Variants in GRM5 observed in about 807,000 individuals in gnomAD.
GRM5 encodes glutamate metabotropic receptor 5.
In GRM5, 19 loss-of-function variants were observed where a neutral mutation model predicts 83.1. The ratio of observed to expected loss-of-function variants is 0.23; its 90% CI spans 0.16 to 0.34. The LOEUF is 0.34. GRM5 is among the 10% of genes least tolerant of loss of function. The pLI is 1.00. For synonymous variants in GRM5, 675 were observed against 633.6 expected (o/e 1.07, Z -0.98); for missense variants, 1,160 against 1,588.3 (o/e 0.73, Z 4.58).
intron 5 of GRM5, among the ~76,000 whole-genome samples, chr11:88,599,945 G>C (rs373600149): frequency 2.0e-5 from 3 of 152,228 alleles, no homozygotes; most frequent in Non-Finnish European, 2.9e-5. Flanking sequence ...CCCGGGAGAC[G>C]GAGCTTGCAG....
chr11:88,510,000 G>C (rs1161162685), intron 9 of GRM5, among the ~76,000 whole-genome samples: 3 of 152,178 alleles, frequency 2.0e-5, no homozygotes, highest in Non-Finnish European at 2.9e-5. Flanking sequence ...ATTACCAGGA[G>C]GTAGTCAGTG....
rs2135072103 is a variant in GRM5 at position 88,509,009 on chromosome 11, C to A, written c.3222G>T (p.Glu1074Asp). ...CGGTGGACAGCATCATGGAGTTGAG[C>A]TCGCTGATGTTGGCCGTGAAGCGGG... ...VVTRFTANIS[E>D]LNSMMLSTAA... The change falls in exon 10 of 10, where the codon GAG (glutamate) becomes GAT (aspartate). Residue 1074 changes from glutamate to aspartate, a missense_variant. Around this residue, in one of 9 missense-constraint regions of GRM5, gnomAD observed 562 missense variants for 532.4 expected, o/e 1.06. Coordinates refer to ENST00000305447, the MANE Select transcript of GRM5 (RefSeq NM_001143831.3). 5 of 1,575,310 alleles carry A rather than the reference C, an allele frequency of 3.2e-6. No individual in the cohort carries two copies. In the East Asian group the frequency reaches 1.2e-4, roughly 36 times the overall value.
chr11:88,979,853 A>G (rs866600530), intron 2 of GRM5, among the ~76,000 whole-genome samples: 13 of 152,170 alleles, frequency 8.5e-5, no homozygotes, highest in Admixed American at 1.3e-4. Context: ...TGAGACAGAC[A>G]TTAACATTTT....
chr11:88,750,706 A>G lies in GRM5; in HGVS notation c.912-97303T>C, dbSNP rs184699672. ...AAACACTCCTCAGTGAATGCAAAAG[A>G]ACTTAAATCATAACAAACAGTCTCT... On this transcript the variant is annotated intron_variant, in intron 3 of 9. Coordinates refer to ENST00000305447, the MANE Select transcript of GRM5 (RefSeq NM_001143831.3). Among the ~76,000 whole-genome samples the G allele has an allele frequency of 8.2e-4, 125 of 152,282 alleles. 1 individual carries two copies. The highest frequency in any genetic ancestry group is 2.3e-3 in the South Asian group (11 of 4,826).
chr11:88,932,637 A>G (rs1937752959), intron 2 of GRM5, among the ~76,000 whole-genome samples: 1 of 152,014 alleles, frequency 6.6e-6, no homozygotes. Context: ...ATAGCTATAT[A>G]TGTAACAACT....
At chr11:88,919,774 A>G (rs1459444245) in intron 2 of GRM5, among the ~76,000 whole-genome samples, 1 of 152,056 alleles carries the variant, frequency 6.6e-6, no homozygotes, top group African/African-American at 2.4e-5. Flanking sequence ...AACACGTGGA[A>G]ATTAAACAAA....
chr11:88,922,892 T>C (rs1179401076), intron 2 of GRM5, among the ~76,000 whole-genome samples: 1 of 152,110 alleles, frequency 6.6e-6, no homozygotes, highest in African/African-American at 2.4e-5. Flanking sequence ...AAAAATCTGA[T>C]AATCCAGTTT....
At chr11:88,985,228 C>T (rs571285722) in intron 2 of GRM5, among the ~76,000 whole-genome samples, 1 of 152,254 alleles carries the variant, frequency 6.6e-6, no homozygotes, top group African/African-American at 2.4e-5. Flanking sequence ...TGCCATAACT[C>T]ATGCTCCTAC....
At position 88,638,548 on chromosome 11, in the gene GRM5, C is replaced by T. The variant is rs147718618; in HGVS notation, c.1147+14620G>A. On this transcript the variant is annotated intron_variant, in intron 4 of 9. Coordinates refer to ENST00000305447, the MANE Select transcript of GRM5 (RefSeq NM_001143831.3). Reference sequence around the variant, plus strand: ...TTCTTTACTTTTCTGGTAGAGTTTACATAGAATTGATGTCTGTTTTTCCTT... The same window carrying T: ...TTCTTTACTTTTCTGGTAGAGTTTATATAGAATTGATGTCTGTTTTTCCTT... Among the ~76,000 whole-genome samples, 112 of 152,120 alleles carry T rather than the reference C, an allele frequency of 7.4e-4. 1 individual carries two copies. The East Asian group carries it at 0.01, about 14-fold the overall frequency.
chr11:88,956,212 C>A (rs900089248), intron 2 of GRM5, among the ~76,000 whole-genome samples: 1 of 152,210 alleles, frequency 6.6e-6, no homozygotes, highest in Non-Finnish European at 1.5e-5. Flanking sequence ...TGCCTTCACA[C>A]TCTTTGCACG....
intron 2 of GRM5, among the ~76,000 whole-genome samples, chr11:89,002,694 C>T (rs888849288): frequency 2.6e-5 from 4 of 152,106 alleles, no homozygotes; most frequent in African/African-American, 7.2e-5. Flanking sequence ...TTATATTCTC[C>T]TGTATTTTCA....
At chr11:88,803,229 T>G (rs1406014421) in intron 3 of GRM5, among the ~76,000 whole-genome samples, 2 of 151,226 alleles carry the variant, frequency 1.3e-5, no homozygotes, top group Non-Finnish European at 2.9e-5. Flanking sequence ...CATCACCAAG[T>G]CAATCCTAAG....
chr11:88,894,758 G>C (rs1191546728), intron 2 of GRM5, among the ~76,000 whole-genome samples: 1 of 151,848 alleles, frequency 6.6e-6, no homozygotes, highest in Non-Finnish European at 1.5e-5. Flanking sequence ...GACAATATTA[G>C]GTAATGAAGA....
chr11:88,745,140 A>G (rs1232892321), intron 3 of GRM5, among the ~76,000 whole-genome samples: 4 of 152,086 alleles, frequency 2.6e-5, no homozygotes, highest in Non-Finnish European at 5.9e-5. Flanking sequence ...TGGTCACCCA[A>G]AGCTTTTGCT....
At chr11:88,935,042 A>T (rs1937847243) in intron 2 of GRM5, among the ~76,000 whole-genome samples, 1 of 151,944 alleles carries the variant, frequency 6.6e-6, no homozygotes, top group African/African-American at 2.4e-5. Context: ...ATTTCATTTA[A>T]TTCTCACATG....
At chr11:88,769,107 AAC>A (rs1220298493) in intron 3 of GRM5, among the ~76,000 whole-genome samples, 4 of 152,134 alleles carry the variant, frequency 2.6e-5, no homozygotes, top group Non-Finnish European at 4.4e-5. Context: ...GATATGGGGT[AAC>A]AATTCTGATT....
At chr11:88,574,768 A>G (rs1943071307) in intron 7 of GRM5, among the ~76,000 whole-genome samples, 1 of 152,270 alleles carries the variant, frequency 6.6e-6, no homozygotes, top group South Asian at 2.1e-4. Flanking sequence ...CTCCATCTCA[A>G]AGAAAAAGAA....
chr11:88,563,504 GA>G (rs1274088555), intron 8 of GRM5, among the ~76,000 whole-genome samples: 1 of 152,132 alleles, frequency 6.6e-6, no homozygotes, highest in Non-Finnish European at 1.5e-5. Context: ...ACCCCATCCA[GA>G]AACAGAGGGC....
At chr11:88,885,467 T>G (rs1164123333) in intron 2 of GRM5, among the ~76,000 whole-genome samples, 5 of 143,420 alleles carry the variant, frequency 3.5e-5, no homozygotes, top group Non-Finnish European at 4.6e-5. Flanking sequence ...TTTTTTTTTT[T>G]TTTTTTTTTT....
Sources: allele counts gnomAD v4.1 joint callset (sites outside exome capture counted in the v4.1 genomes callset), GRCh38; gene constraint gnomAD v4.1.1; regional missense constraint gnomAD v4.1.1; transcripts MANE v1.5; gene names NCBI Gene and HGNC (gene_info 2026-07-23, HGNC 2026-07-21).